Variants in PTPRK observed in about 807,000 individuals in gnomAD.
PTPRK encodes receptor-type tyrosine-protein phosphatase kappa.
Under a neutral mutation model 178.0 loss-of-function variants are expected in PTPRK, and 75 were observed. The ratio of observed to expected loss-of-function variants is 0.42; its 90% CI spans 0.35 to 0.51. PTPRK has a LOEUF of 0.51. Among genes scored for constraint, PTPRK ranks in the 20% least tolerant of loss-of-function variants. The probability of loss-of-function intolerance (pLI) is 0.02; values close to 1 mark genes in which losing one functional copy is unlikely to be tolerated. For synonymous variants in PTPRK, 637 were observed against 620.6 expected (o/e 1.03, Z -0.39); for missense variants, 1,441 against 1,797.8 (o/e 0.80, Z 3.59).
chr6:128,412,467 C>T (rs1262432633), intron 1 of PTPRK, among the ~76,000 whole-genome samples: 2 of 152,186 alleles, frequency 1.3e-5, no homozygotes, highest in Non-Finnish European at 2.9e-5. Context: ...CAAATCCAAG[C>T]AAAGCTGGCA....
At chr6:128,359,791 AAAT>A (rs777467882) in intron 2 of PTPRK, among the ~76,000 whole-genome samples, 2 of 151,982 alleles carry the variant, frequency 1.3e-5, no homozygotes, top group Non-Finnish European at 2.9e-5. Context: ...ATAAAATAAA[AAAT>A]AATCCATAAC....
At chr6:128,313,387 C>A (rs1441009170) in intron 3 of PTPRK, among the ~76,000 whole-genome samples, 1 of 151,946 alleles carries the variant, frequency 6.6e-6, no homozygotes, top group African/African-American at 2.4e-5. Flanking sequence ...AGGAAAAATA[C>A]CTGAAATACA....
At chr6:128,003,077 T>C (rs915114792) in intron 15 of PTPRK, 12 of 923,946 alleles carry the variant, frequency 1.3e-5, no homozygotes, top group African/African-American at 1.2e-4. Context: ...GATAATACCA[T>C]GGCTGTCTAT....
At chr6:128,302,732 G>A (rs867942253) in intron 3 of PTPRK, among the ~76,000 whole-genome samples, 1 of 151,984 alleles carries the variant, frequency 6.6e-6, no homozygotes, top group Non-Finnish European at 1.5e-5. Context: ...TATCATAAAT[G>A]TTGGTATTCA....
chr6:128,275,777 C>T (rs577870100), intron 3 of PTPRK, among the ~76,000 whole-genome samples: 2 of 152,110 alleles, frequency 1.3e-5, no homozygotes, highest in South Asian at 4.1e-4. Context: ...GGACAAAATA[C>T]TTTCTAAGGT....
chr6:128,226,080 C>T (rs1006623944), intron 5 of PTPRK, among the ~76,000 whole-genome samples: 2 of 152,164 alleles, frequency 1.3e-5, no homozygotes, highest in Non-Finnish European at 2.9e-5. Flanking sequence ...GCCACACGGA[C>T]AGAGCAGGTG....
intron 3 of PTPRK, among the ~76,000 whole-genome samples, chr6:128,302,542 CTT>C (rs1484077835): frequency 5.3e-5 from 8 of 151,470 alleles, no homozygotes; most frequent in Non-Finnish European, 1.0e-4. Context: ...GTCAATAAAT[CTT>C]TTAAATTTTA....
In PTPRK at chr6:128,501,345, T is replaced by A. The variant is rs191019438; in HGVS notation, c.100+18914A>T. 2.2e-3 allele frequency among the ~76,000 whole-genome samples: 334 copies of A among 151,866 alleles called. 1 individual carries two copies. The highest frequency in any genetic ancestry group is 7.6e-3 in the African/African-American group (313 of 41,382). The stretch of plus-strand genomic sequence containing the variant: ...CCATTTTCCCAAAATAAGTCATAAG[T>A]CACTTGGGGACTGTCAGCACTTTGT... On this transcript the variant is annotated intron_variant, in intron 1 of 29. Coordinates refer to ENST00000368226, the MANE Select transcript of PTPRK (RefSeq NM_002844.4).
intron 1 of PTPRK, among the ~76,000 whole-genome samples, chr6:128,494,547 A>G (rs1470133228): frequency 6.6e-6 from 1 of 152,180 alleles, no homozygotes; most frequent in Non-Finnish European, 1.5e-5. Flanking sequence ...TTAAAAAAAA[A>G]CACTTTTGTT....
At chr6:128,427,774 C>T (rs1046381441) in intron 1 of PTPRK, among the ~76,000 whole-genome samples, 2 of 152,138 alleles carry the variant, frequency 1.3e-5, no homozygotes, top group African/African-American at 2.4e-5. Flanking sequence ...TCAACCACGA[C>T]CATCAGCTAG....
At chr6:128,419,462 A>G (rs997773742) in intron 1 of PTPRK, among the ~76,000 whole-genome samples, 63 of 152,040 alleles carry the variant, frequency 4.1e-4, no homozygotes, top group Non-Finnish European at 7.5e-4. Flanking sequence ...AATACAAAAA[A>G]AAATTAGCCG....
chr6:128,489,717 G>T (rs1853491331), intron 1 of PTPRK, among the ~76,000 whole-genome samples: 1 of 152,188 alleles, frequency 6.6e-6, no homozygotes. Flanking sequence ...ATCAGGAAAA[G>T]AGTCCATGTA....
chr6:127,975,712 T>C (rs1443685281), intron 27 of PTPRK, among the ~76,000 whole-genome samples: 1 of 152,190 alleles, frequency 6.6e-6, no homozygotes, highest in South Asian at 2.1e-4. Context: ...TCTCGCTCTA[T>C]ACAGCCTGGG....
chr6:128,404,387 T>C (rs1004673577), intron 1 of PTPRK, among the ~76,000 whole-genome samples: 29 of 152,252 alleles, frequency 1.9e-4, no homozygotes, highest in African/African-American at 6.8e-4. Flanking sequence ...TATACATGCA[T>C]ACATGCGTGC....
In PTPRK at chr6:128,234,033, T is replaced by C. The variant is rs1812780379; in HGVS notation, c.693+6002A>G. 2.0e-5 allele frequency among the ~76,000 whole-genome samples: 3 copies of C among 152,238 alleles called. No homozygotes were observed. The South Asian group carries it at 6.2e-4, about 31-fold the overall frequency. On this transcript the variant is annotated intron_variant, in intron 5 of 29. Transcript: ENST00000368226. ...GGCTCTATTTGATTTACCCTGTAGGTGTCCACTTATACTGGACCTTCATAA... is the reference window on the plus strand; with the variant it reads ...GGCTCTATTTGATTTACCCTGTAGGCGTCCACTTATACTGGACCTTCATAA...
At chr6:128,107,746 T>C (rs1164081961) in intron 7 of PTPRK, among the ~76,000 whole-genome samples, 1 of 152,176 alleles carries the variant, frequency 6.6e-6, no homozygotes, top group Non-Finnish European at 1.5e-5. Context: ...ATTTGAGAGA[T>C]GAAGATTTTC....
intron 2 of PTPRK, among the ~76,000 whole-genome samples, chr6:128,351,179 G>A (rs1450574266): frequency 6.6e-6 from 1 of 152,130 alleles, no homozygotes; most frequent in Admixed American, 6.5e-5. Flanking sequence ...CCTAATCTTA[G>A]CACTTTAAGT....
chr6:127,988,475 A>G (rs544877307), intron 21 of PTPRK, among the ~76,000 whole-genome samples: 32 of 152,050 alleles, frequency 2.1e-4, no homozygotes, highest in African/African-American at 7.2e-4. Flanking sequence ...GCTATTCCTT[A>G]AAGTATAAAG....
intron 7 of PTPRK, among the ~76,000 whole-genome samples, chr6:128,148,001 A>G (rs971787217): frequency 1.3e-5 from 2 of 152,166 alleles, no homozygotes; most frequent in African/African-American, 2.4e-5. Context: ...AAAAAACCAC[A>G]GAAGAATTTG....
Sources: allele counts gnomAD v4.1 joint callset (sites outside exome capture counted in the v4.1 genomes callset), GRCh38; gene constraint gnomAD v4.1.1; transcripts MANE v1.5; gene names NCBI Gene and HGNC (gene_info 2026-07-23, HGNC 2026-07-21).